FHOD3: variants seen among roughly 807,000 people sequenced by gnomAD.
FHOD3 encodes formin homology 2 domain containing 3, also known as FH1/FH2 domain-containing protein 3.
A neutral mutation model predicts 173.0 loss-of-function variants in FHOD3; 90 were observed. That is an observed-to-expected ratio of 0.52 (90% CI 0.44 to 0.62). The LOEUF (loss-of-function observed/expected upper bound fraction) is 0.62. Ranked by LOEUF, FHOD3 falls within the 20% of genes least tolerant of loss-of-function variation. The pLI is 0.00. For missense variants in FHOD3, 1,945 were observed against 2,034.7 expected (o/e 0.96, Z 0.85); for synonymous variants, 828 against 823.0 (o/e 1.01, Z -0.10).
chr18:36,431,931 C>T (rs11875978), intron 3 of FHOD3, among the ~76,000 whole-genome samples: 18,715 of 152,202 alleles, frequency 0.12, 1,302 homozygotes, highest in East Asian at 0.28. Context: ...CATGTGGTAC[C>T]TGTCCCCAAT....
rs769382675 is a variant in FHOD3 at position 36,625,481 on chromosome 18, C to A, written c.958-30C>A. 9.3e-6 allele frequency: 13 copies of A among 1,390,562 alleles called. No individual in the cohort carries two copies. In the East Asian group the frequency reaches 3.2e-4, roughly 34 times the overall value. The allele number at this position is 1,390,562 out of a possible 1,614,324, so 86.1% of individuals were successfully genotyped here. On this transcript the variant is annotated intron_variant, in intron 9 of 28. Transcript: ENST00000590592. ...GTCTGTGAAAGGATGCCAAGCCTGA[C>A]CTTGCACTGGGCGTGCTCTGCTTTT...
rs146482746 is a variant in FHOD3 at position 36,742,853 on chromosome 18, T to C, written c.3876T>C (p.Thr1292=). The C allele has an allele frequency of 6.2e-7, 1 of 1,611,444 alleles. No homozygotes were observed. The highest frequency in any genetic ancestry group is 8.5e-7 in the Non-Finnish European group (1 of 1,179,248). The change falls in exon 22 of 29, where the codon ACT becomes ACC. Residue 1292 remains threonine (T), a synonymous_variant. Coordinates refer to ENST00000590592, the MANE Select transcript of FHOD3 (RefSeq NM_001281740.3). ...LLAIGNFLNG[T]NAKAFELSYL... ...CCATTGGGAACTTTCTAAATGGAACTAATGTAAGTCATCCCCATCCCTCAT... is the reference window on the plus strand; with the variant it reads ...CCATTGGGAACTTTCTAAATGGAACCAATGTAAGTCATCCCCATCCCTCAT...
chr18:36,390,041 T>C (rs1417589994), intron 3 of FHOD3, among the ~76,000 whole-genome samples: 1 of 152,262 alleles, frequency 6.6e-6, no homozygotes, highest in East Asian at 1.9e-4. Context: ...CCCATCTGCT[T>C]CTAATCCAGG....
intron 1 of FHOD3, among the ~76,000 whole-genome samples, chr18:36,342,797 A>G (rs1157620388): frequency 2.0e-5 from 3 of 152,262 alleles, no homozygotes; most frequent in Non-Finnish European, 4.4e-5. Context: ...TTGTATTAGA[A>G]TAAATAAGAA....
At chr18:36,703,643 T>C (rs1451651994) in intron 17 of FHOD3, among the ~76,000 whole-genome samples, 1 of 152,140 alleles carries the variant, frequency 6.6e-6, no homozygotes, top group Admixed American at 6.5e-5. Context: ...CAGTGAGGTT[T>C]TGGGGACCAG....
intron 5 of FHOD3, 77 bp from the exon 6 acceptor site, chr18:36,576,374 T>C: frequency 9.8e-7 from 1 of 1,019,446 alleles, no homozygotes; most frequent in Non-Finnish European, 1.4e-6. Context: ...ATGAAAATCT[T>C]GATCAGCATT....
At chr18:36,694,197 T>C (rs539090053) in intron 17 of FHOD3, among the ~76,000 whole-genome samples, 28 of 152,372 alleles carry the variant, frequency 1.8e-4, no homozygotes, top group African/African-American at 4.1e-4. Flanking sequence ...TCAAGTGTTA[T>C]GGCTTACAGC....
chr18:36,711,791 A>G (rs1343784073), intron 18 of FHOD3, among the ~76,000 whole-genome samples: 1 of 152,244 alleles, frequency 6.6e-6, no homozygotes, highest in African/African-American at 2.4e-5. Context: ...TTATTCCCCT[A>G]GCCAAAGGAC....
chr18:36,570,445 C>T (rs2058413949), intron 5 of FHOD3, among the ~76,000 whole-genome samples: 2 of 152,016 alleles, frequency 1.3e-5, no homozygotes, highest in African/African-American at 4.8e-5. Context: ...CAAACAGTTG[C>T]CTGGTGAATT....
intron 3 of FHOD3, among the ~76,000 whole-genome samples, chr18:36,461,869 C>T (rs1240115530): frequency 6.6e-6 from 1 of 152,062 alleles, no homozygotes; most frequent in Non-Finnish European, 1.5e-5. Context: ...AAGACCTATG[C>T]CTTAGTCATA....
At chr18:36,587,923 T>G (rs1411992916) in intron 6 of FHOD3, among the ~76,000 whole-genome samples, 3 of 152,256 alleles carry the variant, frequency 2.0e-5, no homozygotes, top group Admixed American at 6.5e-5. Context: ...ACTTGGTTAC[T>G]ATACCTTCTG....
chr18:36,488,133 T>G (rs1223510827), intron 3 of FHOD3, among the ~76,000 whole-genome samples: 1 of 152,220 alleles, frequency 6.6e-6, no homozygotes, highest in Non-Finnish European at 1.5e-5. Context: ...TGTGGCTGTT[T>G]CCATCTTGAA....
intron 14 of FHOD3, among the ~76,000 whole-genome samples, chr18:36,663,894 C>T (rs1033735408): frequency 2.0e-5 from 3 of 152,204 alleles, no homozygotes; most frequent in Non-Finnish European, 4.4e-5. Context: ...AATCCACATG[C>T]TTGTGTCTTC....
intron 3 of FHOD3, among the ~76,000 whole-genome samples, chr18:36,441,945 T>G (rs2051178615): frequency 6.6e-6 from 1 of 152,242 alleles, no homozygotes; most frequent in South Asian, 2.1e-4. Context: ...AAGTTAGGAT[T>G]TCTGACTTTA....
Position 36,717,813 on chromosome 18 carries a change from C to T in FHOD3, c.2534-19C>T, listed in dbSNP as rs954496969. The T allele has an allele frequency of 7.8e-6, 12 of 1,529,326 alleles. No individual in the cohort carries two copies. The highest frequency in any genetic ancestry group is 2.3e-5 in the East Asian group (1 of 43,728). 94.7% of individuals were successfully genotyped at this position (1,529,326 alleles called of 1,614,324 possible). A position where few individuals can be genotyped will look rare whatever the true frequency, so the allele number is the denominator to read the frequency against. On this transcript the variant is annotated intron_variant, in intron 18 of 28. Transcript: ENST00000590592. ...GCCCCCTTGCCCCTTTCTCATTTTTCTCTCCCATGTACTTTCAGGTTTGTG... is the reference window on the plus strand; with the variant it reads ...GCCCCCTTGCCCCTTTCTCATTTTTTTCTCCCATGTACTTTCAGGTTTGTG...
chr18:36,696,866 A>G (rs2039314306), intron 17 of FHOD3, among the ~76,000 whole-genome samples: 1 of 152,254 alleles, frequency 6.6e-6, no homozygotes, highest in Non-Finnish European at 1.5e-5. Context: ...AGTTTGGGCA[A>G]ACATGGAAAG....
At chr18:36,347,261 A>C (rs558902623) in intron 1 of FHOD3, among the ~76,000 whole-genome samples, 3 of 152,392 alleles carry the variant, frequency 2.0e-5, no homozygotes, top group African/African-American at 7.2e-5. Flanking sequence ...TTCAAGGGAA[A>C]GTTTAATGTA....
intron 3 of FHOD3, among the ~76,000 whole-genome samples, chr18:36,431,324 C>T (rs1012756970): frequency 2.0e-5 from 3 of 152,148 alleles, no homozygotes; most frequent in Non-Finnish European, 4.4e-5. Context: ...TCAGGAAAGC[C>T]CTGACTGTTT....
At chr18:36,461,329 A>G (rs2052536653) in intron 3 of FHOD3, among the ~76,000 whole-genome samples, 1 of 152,114 alleles carries the variant, frequency 6.6e-6, no homozygotes, top group African/African-American at 2.4e-5. Flanking sequence ...ACACCTGAAG[A>G]CTGAAAGGAT....
Sources: allele counts gnomAD v4.1 joint callset (sites outside exome capture counted in the v4.1 genomes callset), GRCh38; gene constraint gnomAD v4.1.1; transcripts MANE v1.5; gene names NCBI Gene and HGNC (gene_info 2026-07-23, HGNC 2026-07-21).